ACSM3: variants seen among roughly 807,000 people sequenced by gnomAD.
The protein encoded by ACSM3 is acyl-coenzyme A synthetase ACSM3, mitochondrial.
Under a neutral mutation model 74.1 loss-of-function variants are expected in ACSM3, and 61 were observed. That is an observed-to-expected ratio of 0.82 (90% CI 0.67 to 1.02). ACSM3 has a LOEUF of 1.02. Among genes scored for constraint, ACSM3 ranks in the 50% least tolerant of loss-of-function variants. The pLI, the probability that ACSM3 is intolerant of heterozygous loss-of-function variation, is 0.00. For synonymous variants in ACSM3, 213 were observed against 241.5 expected (o/e 0.88, Z 1.09); for missense variants, 660 against 697.0 (o/e 0.95, Z 0.60).
intron 1 of ACSM3, among the ~76,000 whole-genome samples, chr16:20,742,940 ATT>A (rs1218181518): frequency 1.5e-4 from 18 of 121,644 alleles, no homozygotes; most frequent in African/African-American, 3.4e-4. Flanking sequence ...ATGTTTGTCT[ATT>A]TTTTTTTTTT....
At chr16:20,753,451 G>A (rs1406643135) in intron 2 of ACSM3, among the ~76,000 whole-genome samples, 4 of 125,594 alleles carry the variant, frequency 3.2e-5, no homozygotes, top group Non-Finnish European at 5.0e-5. Flanking sequence ...GTGACAGAAC[G>A]AGACTGTCTC....
chr16:20,714,487 C>G (rs1379663912), intron 1 of ACSM3, among the ~76,000 whole-genome samples: 5 of 152,088 alleles, frequency 3.3e-5, no homozygotes, highest in Non-Finnish European at 5.9e-5. Flanking sequence ...GAGGACCAAA[C>G]TGGAATCAGA....
At chr16:20,717,395 T>C (rs533283323) in intron 1 of ACSM3, among the ~76,000 whole-genome samples, 438 of 152,328 alleles carry the variant, frequency 2.9e-3, no homozygotes, top group African/African-American at 9.9e-3. Context: ...GCCTGATACC[T>C]GAACAAAATC....
At chr16:20,795,669 C>T (rs79416698) in intron 12 of ACSM3, among the ~76,000 whole-genome samples, 1,836 of 152,268 alleles carry the variant, frequency 0.012, 107 homozygotes, top group Admixed American at 0.1. Context: ...TAGCCAGCTC[C>T]GGGCTGGTAA....
intron 1 of ACSM3, chr16:20,737,850 A>G: frequency 1.2e-6 from 2 of 1,613,964 alleles, no homozygotes; most frequent in Non-Finnish European, 1.7e-6. Flanking sequence ...CTTCTAAAAA[A>G]GCCTTGCATG....
In ACSM3 at chr16:20,741,822, G is replaced by A. The variant is rs1258096772; in HGVS notation, c.-189-8088G>A. 7.1e-6 allele frequency: 11 copies of A among 1,541,160 alleles called. No individual in the cohort carries two copies. In the Admixed American group the frequency reaches 1.4e-4, roughly 19 times the overall value. ...TCTATCGCCGGCGCGAACTGGTGACGTCGGATATGAGCGACGGCCTCCCCT... is the reference window on the plus strand; with the variant it reads ...TCTATCGCCGGCGCGAACTGGTGACATCGGATATGAGCGACGGCCTCCCCT... On this transcript the variant is annotated intron_variant, in intron 1 of 3. Coordinates refer to the ACSM3 transcript ENST00000561584.
intron 1 of ACSM3, among the ~76,000 whole-genome samples, chr16:20,712,001 TC>T (rs1000195893): frequency 6.6e-6 from 1 of 152,114 alleles, no homozygotes; most frequent in African/African-American, 2.4e-5. Flanking sequence ...ACCTGCTGTT[TC>T]TTCTGCCTGG....
intron 9 of ACSM3, chr16:20,789,625 A>C: frequency 1.9e-6 from 2 of 1,075,844 alleles, no homozygotes; most frequent in African/African-American, 1.6e-5. Flanking sequence ...ATCAAGACCT[A>C]TTGCTAAATG....
chr16:20,771,372 T>C lies in ACSM3; in HGVS notation c.219+1119T>C, dbSNP rs934280268. 2.9e-4 allele frequency among the ~76,000 whole-genome samples: 9 copies of C among 31,550 alleles called. No homozygotes were observed. In the South Asian group the frequency reaches 4.5e-3, roughly 16 times the overall value. 20.7% of individuals were successfully genotyped at this position (31,550 alleles called of 152,430 possible). On this transcript the variant is annotated intron_variant, in intron 2 of 13. Coordinates refer to ENST00000289416, the MANE Select transcript of ACSM3 (RefSeq NM_005622.4). ...CACCCACCACGCCAGGCCGAGCTCC[T>C]TTTTTTTTTTTTTTTTTTTTTTTTT...
At chr16:20,793,482 T>A (rs2080649031) in intron 12 of ACSM3, among the ~76,000 whole-genome samples, 1 of 150,224 alleles carries the variant, frequency 6.7e-6, no homozygotes, top group African/African-American at 2.4e-5. Context: ...AAAATAAAAA[T>A]AAAAATAAAA....
Position 20,770,028 on chromosome 16 carries a change from A to G in ACSM3, c.-7A>G, listed in dbSNP as rs776153470. On this transcript the variant is annotated 5_prime_UTR_variant, in exon 2 of 14. Coordinates refer to ENST00000289416, the MANE Select transcript of ACSM3 (RefSeq NM_005622.4). ...AATCCTGAGTGCTAAAGCTTCCAAC[A>G]AGACTGATGCTAGCTCGTGTCACCA... 17 of 1,613,970 alleles carry G rather than the reference A, an allele frequency of 1.1e-5. No individual in the cohort carries two copies. The highest frequency in any genetic ancestry group is 1.4e-5 in the Non-Finnish European group (17 of 1,179,966).
intron 1 of ACSM3, chr16:20,729,398 G>A (rs187818876): frequency 7.0e-6 from 8 of 1,149,910 alleles, no homozygotes; most frequent in East Asian, 2.4e-5. Flanking sequence ...GGATTGACAG[G>A]GGGGGAGCTC....
At chr16:20,742,395 C>T (rs578250651) in intron 1 of ACSM3, among the ~76,000 whole-genome samples, 62 of 152,270 alleles carry the variant, frequency 4.1e-4, no homozygotes, top group Middle Eastern at 6.8e-3. Context: ...CGGTGGCTCA[C>T]GCCTGTAATC....
chr16:20,770,352 A>T, intron 2 of ACSM3, 99 bp downstream of exon 2: 1 of 1,059,856 alleles, frequency 9.4e-7, no homozygotes, highest in South Asian at 1.5e-5. Context: ...TGTTGCCATG[A>T]TAGGGGCAGA....
intron 7 of ACSM3, chr16:20,784,676 A>G (rs763855310): frequency 1.8e-4 from 30 of 170,348 alleles, no homozygotes; most frequent in Non-Finnish European, 2.6e-4. Context: ...TAAGAACAGA[A>G]TGACCTTCTT....
In ACSM3 at chr16:20,770,167, T is replaced by C. The variant is rs375721454; in HGVS notation, c.133T>C (p.Ser45Pro). The C allele has an allele frequency of 1.4e-3, 2,197 of 1,614,102 alleles. 46 individuals are homozygous for C. The South Asian group carries it at 0.023, about 17-fold the overall frequency. Residue 45 changes from serine (S) to proline (P), a missense_variant, in exon 2 of 14, where the codon TCC becomes CCC. Coordinates refer to ENST00000289416, the MANE Select transcript of ACSM3 (RefSeq NM_005622.4). ...CCCTCAGAATTTCTCCAACTATGAA[T>C]CCATGAAACAGGACTTCAAACTGGG... ...ATPQNFSNYE[S>P]MKQDFKLGIP...
rs997873145 is a variant in ACSM3, at chr16:20,691,297, G to T, written c.-190+16475G>T. On this transcript the variant is annotated intron_variant, in intron 1 of 3. Transcript: ENST00000561584. ...TATCCAAAACTTTCTCCCTAAATTGGGTGCATGTTTTTGGTTAATTGCTAC... is the reference window on the plus strand; with the variant it reads ...TATCCAAAACTTTCTCCCTAAATTGTGTGCATGTTTTTGGTTAATTGCTAC... The T allele has an allele frequency of 4.1e-6, 4 of 975,178 alleles. No homozygotes were observed. The African/African-American group carries it at 5.1e-5, about 12-fold the overall frequency. 60.4% of individuals were successfully genotyped at this position (975,178 alleles called of 1,614,324 possible).
At chr16:20,705,013 T>C (rs2079722847) in intron 1 of ACSM3, among the ~76,000 whole-genome samples, 1 of 152,228 alleles carries the variant, frequency 6.6e-6, no homozygotes, top group Non-Finnish European at 1.5e-5. Context: ...AAATGTACTA[T>C]GTAGTATTTT....
chr16:20,782,407 C>T (rs2080371935), intron 7 of ACSM3, among the ~76,000 whole-genome samples: 1 of 152,118 alleles, frequency 6.6e-6, no homozygotes, highest in African/African-American at 2.4e-5. Flanking sequence ...CCCACCCTTT[C>T]CCCAGAGTCC....
Sources: gnomAD v4.1 joint callset for allele counts (sites outside exome capture counted in the v4.1 genomes callset) on GRCh38, gnomAD v4.1.1 for gene constraint, MANE v1.5 for transcripts, NCBI Gene and HGNC (gene_info 2026-07-23, HGNC 2026-07-21) for gene names.